Variants in CCSER1 observed in about 807,000 individuals in gnomAD.
CCSER1 encodes the protein serine-rich coiled-coil domain-containing protein 1.
Under a neutral mutation model 82.0 loss-of-function variants are expected in CCSER1, and 41 were observed. That is an observed-to-expected ratio of 0.50 (90% CI 0.39 to 0.65). The LOEUF is 0.65. CCSER1 is among the 30% of genes least tolerant of loss of function. CCSER1 has a pLI of 0.00. For missense variants in CCSER1, 1,119 were observed against 1,064.2 expected (o/e 1.05, Z -0.72); for synonymous variants, 414 against 383.9 (o/e 1.08, Z -0.92).
intron 10 of CCSER1, among the ~76,000 whole-genome samples, chr4:91,421,734 C>T (rs986305120): frequency 1.1e-4 from 16 of 151,374 alleles, no homozygotes; most frequent in African/African-American, 3.6e-4. Flanking sequence ...ATCAAATGGC[C>T]GCACTGTACA....
intron 8 of CCSER1, among the ~76,000 whole-genome samples, chr4:90,915,609 C>T (rs1727240298): frequency 6.6e-6 from 1 of 152,096 alleles, no homozygotes; most frequent in African/African-American, 2.4e-5. Flanking sequence ...TGGCACAAGA[C>T]AGGGATGCCC....
intron 9 of CCSER1, chr4:91,015,460 AG>A (rs1739346983): frequency 6.6e-6 from 1 of 152,032 alleles, no homozygotes; most frequent in Admixed American, 6.5e-5. Flanking sequence ...ATTTTGACAA[AG>A]GACCTGAATA....
At chr4:90,519,953 A>T (rs1772868265) in intron 5 of CCSER1, among the ~76,000 whole-genome samples, 1 of 152,120 alleles carries the variant, frequency 6.6e-6, no homozygotes, top group African/African-American at 2.4e-5. Flanking sequence ...AAAAATGTGT[A>T]GTACAGTGGT....
At chr4:90,675,474 T>C (rs2149174224) in intron 6 of CCSER1, among the ~76,000 whole-genome samples, 1 of 152,088 alleles carries the variant, frequency 6.6e-6, no homozygotes, top group South Asian at 2.1e-4. Flanking sequence ...CAAATTGGTA[T>C]TTTTTGTATT....
chr4:90,321,582 A>C (rs1360399315), intron 3 of CCSER1, among the ~76,000 whole-genome samples: 1 of 152,278 alleles, frequency 6.6e-6, no homozygotes. Context: ...CATACTTAGC[A>C]GTGAGAAAGC....
chr4:91,483,052 C>A (rs561141318), intron 10 of CCSER1, among the ~76,000 whole-genome samples: 309 of 151,346 alleles, frequency 2.0e-3, no homozygotes, highest in African/African-American at 7.2e-3. Flanking sequence ...ATGTAACAAA[C>A]CTGCACGTTG....
intron 10 of CCSER1, among the ~76,000 whole-genome samples, chr4:91,374,629 C>G (rs554592391): frequency 1.3e-5 from 2 of 152,182 alleles, no homozygotes; most frequent in Admixed American, 1.3e-4. Context: ...TGTTTTTATG[C>G]CTGCTAACAC....
chr4:90,356,672 T>C (rs188168649), intron 3 of CCSER1, among the ~76,000 whole-genome samples: 7 of 151,998 alleles, frequency 4.6e-5, no homozygotes, highest in Non-Finnish European at 1.0e-4. Flanking sequence ...CTACGATCTT[T>C]ATTTTTGTTG....
intron 5 of CCSER1, among the ~76,000 whole-genome samples, chr4:90,626,368 AC>A (rs556126690): frequency 2.1e-4 from 32 of 152,204 alleles, no homozygotes; most frequent in Admixed American, 1.1e-3. Flanking sequence ...ACCTACCGTG[AC>A]TTCTAATTTT....
chr4:91,031,990 A>G (rs955816445), intron 9 of CCSER1, among the ~76,000 whole-genome samples: 7 of 152,060 alleles, frequency 4.6e-5, no homozygotes, highest in African/African-American at 1.7e-4. Context: ...CTTCTGAGTC[A>G]TAAATATTTT....
At chr4:90,704,148 A>G (rs1738787114) in intron 6 of CCSER1, among the ~76,000 whole-genome samples, 1 of 151,874 alleles carries the variant, frequency 6.6e-6, no homozygotes, top group African/African-American at 2.4e-5. Context: ...TTCCTTCAGG[A>G]GCTCTTTTAG....
chr4:90,930,908 TTTTATA>T, intron 9 of CCSER1, among the ~76,000 whole-genome samples: 1 of 69,132 alleles, frequency 1.4e-5, no homozygotes, highest in East Asian at 7.0e-4. Flanking sequence ...TTTATCCTTA[TTTTATA>T]TATATATATA....
At position 91,555,457 on chromosome 4, in the gene CCSER1, G is replaced by A. The variant is rs140452518; in HGVS notation, c.2218-43115G>A. Among the ~76,000 whole-genome samples, 45 of 150,786 alleles carry A rather than the reference G, an allele frequency of 3.0e-4. No homozygotes were observed. The East Asian group carries it at 8.2e-3, about 27-fold the overall frequency. On this transcript the variant is annotated intron_variant, in intron 10 of 10. Coordinates refer to ENST00000509176, the MANE Select transcript of CCSER1 (RefSeq NM_001145065.2). ...AAGACTAGTTTAAAGCCCAATGCCCGGCACATAGTAATCAATCAACTAGCA... is the reference window on the plus strand; with the variant it reads ...AAGACTAGTTTAAAGCCCAATGCCCAGCACATAGTAATCAATCAACTAGCA...
intron 10 of CCSER1, among the ~76,000 whole-genome samples, chr4:91,295,349 C>A: frequency 6.6e-6 from 1 of 151,756 alleles, no homozygotes; most frequent in Middle Eastern, 3.4e-3. Flanking sequence ...ACAAAATATA[C>A]AAGAAATTAA....
intron 10 of CCSER1, among the ~76,000 whole-genome samples, chr4:91,150,325 A>T (rs1247462966): frequency 6.6e-6 from 1 of 152,156 alleles, no homozygotes. Flanking sequence ...TTGCACATTG[A>T]TTTTGTATCC....
intron 9 of CCSER1, among the ~76,000 whole-genome samples, chr4:91,063,592 A>G (rs537120519): frequency 1.3e-3 from 193 of 152,086 alleles, no homozygotes; most frequent in African/African-American, 4.5e-3. Flanking sequence ...TCATTTTCTT[A>G]TTTGATTTTC....
intron 10 of CCSER1, chr4:91,325,142 G>T (rs1454640922): frequency 2.2e-6 from 1 of 455,880 alleles, no homozygotes; most frequent in African/African-American, 2.0e-5. Context: ...GGTGTCAAAT[G>T]GGTTAGCAGT....
chr4:90,157,259 G>A (rs1728414738), intron 1 of CCSER1, among the ~76,000 whole-genome samples: 1 of 152,166 alleles, frequency 6.6e-6, no homozygotes, highest in Non-Finnish European at 1.5e-5. Context: ...AGTCTGATGG[G>A]CTTCCCTTTG....
At chr4:90,972,235 C>A (rs921573949) in intron 9 of CCSER1, among the ~76,000 whole-genome samples, 1 of 151,638 alleles carries the variant, frequency 6.6e-6, no homozygotes, top group Non-Finnish European at 1.5e-5. Flanking sequence ...GAAGAAAACC[C>A]TAAAGATGCC....
Sources: gnomAD v4.1 joint callset for allele counts (sites outside exome capture counted in the v4.1 genomes callset) on GRCh38, gnomAD v4.1.1 for gene constraint, MANE v1.5 for transcripts, NCBI Gene and HGNC (gene_info 2026-07-23, HGNC 2026-07-21) for gene names.